The following TDRD7 variants were observed in gnomAD, a reference collection of about 807,000 sequenced individuals.
The protein encoded by TDRD7 is tudor domain containing 7.
A neutral mutation model predicts 109.8 loss-of-function variants in TDRD7; 47 were observed. The observed-to-expected ratio is 0.43, with a 90% CI of 0.34 to 0.55. The LOEUF (loss-of-function observed/expected upper bound fraction) is 0.55, where lower values mean the gene tolerates loss of function less well. TDRD7 is among the 20% of genes least tolerant of loss of function. The pLI is 0.03. For synonymous variants in TDRD7, 424 were observed against 457.3 expected (o/e 0.93, Z 0.93); for missense variants, 1,164 against 1,319.2 (o/e 0.88, Z 1.82).
intron 6 of TDRD7, among the ~76,000 whole-genome samples, chr9:97,447,553 G>A (rs1419514458): frequency 6.6e-6 from 1 of 152,120 alleles, no homozygotes; most frequent in Non-Finnish European, 1.5e-5. Flanking sequence ...CAGAGGAAAA[G>A]CTAAAGAGGG....
chr9:97,474,038 C>G (rs1036894126), intron 11 of TDRD7, among the ~76,000 whole-genome samples: 6 of 152,204 alleles, frequency 3.9e-5, no homozygotes, highest in African/African-American at 1.4e-4. Flanking sequence ...GATAATAAAA[C>G]TTTCCTCCTT....
chr9:97,495,522 A>G (rs1047085103), intron 16 of TDRD7, 141 bp from the exon 17 acceptor site: 1 of 788,370 alleles, frequency 1.3e-6, no homozygotes, highest in African/African-American at 1.7e-5. Flanking sequence ...ATTGTTCAGT[A>G]ACCGTTTTTC....
Position 97,441,810 on chromosome 9 carries a change from T to G in TDRD7, c.790T>G (p.Leu264Val), listed in dbSNP as rs1828310940. ...ISKLPHFYKE[L>V]YKEDLNQGIL... ...TAAGCTTCCACATTTTTACAAAGAG[T>G]TATATAAAGAAGACCTTAATCAAGG... The change falls in exon 6 of 17, where the codon TTA (leucine) becomes GTA (valine). Residue 264 changes from leucine to valine, a missense_variant. Transcript: ENST00000355295. 1 of 1,613,596 alleles carries G rather than the reference T, an allele frequency of 6.2e-7. No homozygotes were observed. Among genetic ancestry groups the G allele is most frequent in the African/African-American group, 1.3e-5 (1 of 74,964 alleles).
In TDRD7 at chr9:97,482,044, A is replaced by G. The variant is rs542045918; in HGVS notation, c.2413-805A>G. 2.6e-5 allele frequency among the ~76,000 whole-genome samples: 4 copies of G among 152,256 alleles called. No homozygotes were observed. In the East Asian group the frequency reaches 5.8e-4, roughly 22 times the overall value. The stretch of plus-strand genomic sequence containing the variant: ...CTTATTTTTATCATTCCTAAGATAA[A>G]CCAGAGTTGCTGATGAGAATAGCCA... On this transcript the variant is annotated intron_variant, in intron 14 of 16. Coordinates refer to ENST00000355295, the MANE Select transcript of TDRD7 (RefSeq NM_014290.3).
intron 1 of TDRD7, among the ~76,000 whole-genome samples, chr9:97,417,202 G>A (rs1324488937): frequency 6.6e-6 from 1 of 152,178 alleles, no homozygotes; most frequent in African/African-American, 2.4e-5. Context: ...TGGAGCCCAG[G>A]ATGGGTGAAT....
Position 97,490,610 on chromosome 9 carries a change from G to T in TDRD7, c.3076+3278G>T, listed in dbSNP as rs140246792. On this transcript the variant is annotated intron_variant, in intron 16 of 16. Transcript: ENST00000355295. ...GAGCTTCCTAGATCAATGATTTAGT[G>T]TGTGACATTAATTTGGAGAAATTCT... 5.7e-4 allele frequency among the ~76,000 whole-genome samples: 85 copies of T among 149,514 alleles called. 2 individuals are homozygous for T. The East Asian group carries it at 0.016, about 29-fold the overall frequency.
intron 6 of TDRD7, among the ~76,000 whole-genome samples, chr9:97,454,268 C>T (rs1226772757): frequency 6.6e-6 from 1 of 152,148 alleles, no homozygotes; most frequent in Admixed American, 6.5e-5. Flanking sequence ...ATCACGAGGT[C>T]AGGAGATTGA....
chr9:97,460,826 A>G, intron 7 of TDRD7, 62 bp downstream of exon 7: 1 of 1,454,902 alleles, frequency 6.9e-7, no homozygotes, highest in East Asian at 2.3e-5. Flanking sequence ...TCTATTCTTC[A>G]CATGGATGTT....
At chr9:97,421,202 T>C (rs536639568) in intron 1 of TDRD7, among the ~76,000 whole-genome samples, 1 of 152,012 alleles carries the variant, frequency 6.6e-6, no homozygotes, top group Non-Finnish European at 1.5e-5. Context: ...CCACCAGAAA[T>C]GTATGAGAGT....
chr9:97,442,710 T>A (rs1406480274), intron 6 of TDRD7, among the ~76,000 whole-genome samples: 1 of 152,232 alleles, frequency 6.6e-6, no homozygotes, highest in African/African-American at 2.4e-5. Flanking sequence ...TTTATTTCTT[T>A]AACATATATT....
chr9:97,429,560 G>A (rs1208611640), intron 2 of TDRD7, among the ~76,000 whole-genome samples: 3 of 152,192 alleles, frequency 2.0e-5, no homozygotes, highest in Non-Finnish European at 4.4e-5. Flanking sequence ...GAGCAGGAAA[G>A]TAGTCAAAGG....
intron 11 of TDRD7, among the ~76,000 whole-genome samples, chr9:97,475,170 G>A (rs1480924531): frequency 2.0e-5 from 3 of 152,176 alleles, no homozygotes; most frequent in Admixed American, 1.3e-4. Context: ...TATGAGCCAT[G>A]TGCATGTAGG....
chr9:97,413,972 G>A (rs982929761), intron 1 of TDRD7, among the ~76,000 whole-genome samples: 6 of 152,170 alleles, frequency 3.9e-5, no homozygotes, highest in African/African-American at 7.2e-5. Context: ...AATCTAGCTG[G>A]ATACTTAATG....
intron 6 of TDRD7, among the ~76,000 whole-genome samples, chr9:97,446,612 T>C (rs1198115188): frequency 6.6e-6 from 1 of 152,192 alleles, no homozygotes; most frequent in Non-Finnish European, 1.5e-5. Flanking sequence ...TCCTGCAGAC[T>C]CTTAAAAATT....
chr9:97,492,512 C>G (rs572845041), intron 16 of TDRD7, among the ~76,000 whole-genome samples: 6 of 152,164 alleles, frequency 3.9e-5, no homozygotes, highest in Non-Finnish European at 8.8e-5. Context: ...TAAACCTACC[C>G]CATGATTATT....
At chr9:97,471,156 C>T (rs957629810) in intron 9 of TDRD7, among the ~76,000 whole-genome samples, 2 of 152,152 alleles carry the variant, frequency 1.3e-5, no homozygotes, top group Admixed American at 1.3e-4. Context: ...TCTTTTCCTT[C>T]CTCCTAAAGG....
At chr9:97,465,110 G>A in intron 8 of TDRD7, 82 bp downstream of exon 8, 1 of 1,504,626 alleles carries the variant, frequency 6.6e-7, no homozygotes, top group Non-Finnish European at 9.0e-7. Context: ...TTACATTTTT[G>A]AAATTTAAAT....
chr9:97,413,755 T>A (rs535509054), intron 1 of TDRD7, among the ~76,000 whole-genome samples: 24 of 152,310 alleles, frequency 1.6e-4, no homozygotes, highest in African/African-American at 5.5e-4. Flanking sequence ...ACAGCCTCCG[T>A]CTTTGGTAGT....
At chr9:97,493,944 G>T (rs184489556) in intron 16 of TDRD7, among the ~76,000 whole-genome samples, 2,624 of 152,184 alleles carry the variant, frequency 0.017, 38 homozygotes, top group Non-Finnish European at 0.022. Context: ...TTTTTTCAAG[G>T]TGCCCAGATT....
Sources: gnomAD v4.1 joint callset for allele counts (sites outside exome capture counted in the v4.1 genomes callset) on GRCh38, gnomAD v4.1.1 for gene constraint, MANE v1.5 for transcripts, NCBI Gene and HGNC (gene_info 2026-07-23, HGNC 2026-07-21) for gene names.